Variants in KDM4C observed in about 807,000 individuals in gnomAD.
The protein encoded by KDM4C is lysine-specific demethylase 4C.
Under a neutral mutation model 129.3 loss-of-function variants are expected in KDM4C, and 81 were observed. The ratio of observed to expected loss-of-function variants is 0.63; its 90% CI spans 0.52 to 0.75. The LOEUF (loss-of-function observed/expected upper bound fraction) is 0.75, where lower values mean the gene tolerates loss of function less well. KDM4C is among the 30% of genes least tolerant of loss of function. KDM4C has a pLI of 0.00. For synonymous variants in KDM4C, 573 were observed against 456.1 expected, an observed-to-expected ratio of 1.26 and a Z score of -3.26; for missense variants, 1,457 against 1,304.0, an observed-to-expected ratio of 1.12 and a Z score of -1.81.
At chr9:7,069,921 A>G (rs1336039202) in intron 17 of KDM4C, among the ~76,000 whole-genome samples, 1 of 152,248 alleles carries the variant, frequency 6.6e-6, no homozygotes, top group East Asian at 1.9e-4. Flanking sequence ...TTATTTGAAG[A>G]TAGATTGTAA....
intron 19 of KDM4C, among the ~76,000 whole-genome samples, chr9:7,157,313 A>T (rs186057882): frequency 1.3e-5 from 2 of 152,236 alleles, no homozygotes; most frequent in South Asian, 2.1e-4. Context: ...GGACAATTTG[A>T]CTTCCTCTTT....
intron 19 of KDM4C, among the ~76,000 whole-genome samples, chr9:7,139,600 C>A (rs1209801553): frequency 6.6e-6 from 1 of 152,180 alleles, no homozygotes; most frequent in African/African-American, 2.4e-5. Context: ...AACCCTTAGA[C>A]CAGGCTGCAA....
At chr9:7,143,421 T>A (rs1206191727) in intron 19 of KDM4C, among the ~76,000 whole-genome samples, 1 of 152,216 alleles carries the variant, frequency 6.6e-6, no homozygotes, top group African/African-American at 2.4e-5. Flanking sequence ...ATAGAAAAGC[T>A]CTTACTTCAG....
intron 4 of KDM4C, among the ~76,000 whole-genome samples, chr9:6,823,349 A>G (rs1833354439): frequency 6.6e-6 from 1 of 152,192 alleles, no homozygotes; most frequent in Non-Finnish European, 1.5e-5. Flanking sequence ...CAGAGTACCC[A>G]TGGAGCAATT....
chr9:6,726,690 T>C (rs1817143099), intron 1 of KDM4C: 1 of 152,230 alleles, frequency 6.6e-6, no homozygotes. Flanking sequence ...GACAATCATG[T>C]TTGCACTACT....
intron 4 of KDM4C, among the ~76,000 whole-genome samples, chr9:6,823,654 C>A (rs769422232): frequency 6.6e-6 from 1 of 152,228 alleles, no homozygotes; most frequent in Non-Finnish European, 1.5e-5. Flanking sequence ...CCTACCCTCT[C>A]CTGTACCAGC....
intron 18 of KDM4C, among the ~76,000 whole-genome samples, chr9:7,115,969 G>C (rs1372331272): frequency 6.6e-6 from 1 of 152,194 alleles, no homozygotes; most frequent in Non-Finnish European, 1.5e-5. Context: ...TCATCTTGAA[G>C]TGTCACATGT....
intron 16 of KDM4C, among the ~76,000 whole-genome samples, chr9:7,047,806 C>T (rs1346795160): frequency 6.6e-6 from 1 of 151,908 alleles, no homozygotes; most frequent in Non-Finnish European, 1.5e-5. Flanking sequence ...GGATAGAACC[C>T]AGTGTCAGTG....
At chr9:6,723,630 C>CAAAAAAAAAAAAAAAAAA (rs4008336) in intron 1 of KDM4C, 1 of 112,126 alleles carries the variant, frequency 8.9e-6, no homozygotes, top group Non-Finnish European at 1.8e-5. Context: ...GACTCCATCT[C>CAAAAAAAAAAAAAAAAAA]AAAAAAAAAA....
At chr9:6,748,911 T>A (rs1273883267) in intron 1 of KDM4C, 1 of 937,656 alleles carries the variant, frequency 1.1e-6, no homozygotes, top group African/African-American at 1.6e-5. Flanking sequence ...ATTTTGTAAG[T>A]ATCTGAAGAT....
chr9:6,764,926 C>T (rs1272789709), intron 1 of KDM4C, among the ~76,000 whole-genome samples: 8 of 152,188 alleles, frequency 5.3e-5, no homozygotes, highest in Non-Finnish European at 1.2e-4. Flanking sequence ...TTTCATTGCT[C>T]ACTCATTTCA....
rs535371344 is a variant in KDM4C at position 7,132,359 on chromosome 9, G to C, written c.2781+4123G>C. 7.2e-5 allele frequency among the ~76,000 whole-genome samples: 11 copies of C among 152,292 alleles called. No homozygotes were observed. The East Asian group carries it at 1.9e-3, about 27-fold the overall frequency. On this transcript the variant is annotated intron_variant, in intron 19 of 21. Coordinates refer to ENST00000381309, the MANE Select transcript of KDM4C (RefSeq NM_015061.6). ...GCAGGCGTTAAAAATGCTTACGTTAGCGTTATGTGACTGGAGAGAGCATTT... is the reference window on the plus strand; with the variant it reads ...GCAGGCGTTAAAAATGCTTACGTTACCGTTATGTGACTGGAGAGAGCATTT...
chr9:6,871,000 C>T (rs745754016), intron 5 of KDM4C, among the ~76,000 whole-genome samples: 24 of 152,284 alleles, frequency 1.6e-4, no homozygotes, highest in Non-Finnish European at 2.8e-4. Flanking sequence ...GGACCTATGG[C>T]AGCTGCCTGT....
chr9:6,831,095 CTG>C (rs1834731698), intron 4 of KDM4C, among the ~76,000 whole-genome samples: 1 of 152,154 alleles, frequency 6.6e-6, no homozygotes, highest in Non-Finnish European at 1.5e-5. Flanking sequence ...GTCATAGACT[CTG>C]TTATTTTTTT....
At chr9:6,976,392 G>C (rs1832920702) in intron 8 of KDM4C, among the ~76,000 whole-genome samples, 1 of 152,112 alleles carries the variant, frequency 6.6e-6, no homozygotes, top group African/African-American at 2.4e-5. Context: ...AGGGTTATTA[G>C]AAAACAATGA....
intron 8 of KDM4C, among the ~76,000 whole-genome samples, chr9:6,975,445 A>G (rs1456690448): frequency 1.3e-5 from 2 of 152,240 alleles, no homozygotes; most frequent in African/African-American, 2.4e-5. Flanking sequence ...GAATTTCCAC[A>G]GTAGATTGGG....
Position 7,009,729 on chromosome 9 carries a change from G to T in KDM4C, c.1787-1969G>T, listed in dbSNP as rs1175860870. ...TATGTAGATGCCATGCAACAGGGTT[G>T]TGTATCCCCTGGAGTTCACAGATCA... On this transcript the variant is annotated intron_variant, in intron 12 of 21. Coordinates refer to ENST00000381309, the MANE Select transcript of KDM4C (RefSeq NM_015061.6). Among the ~76,000 whole-genome samples the T allele has an allele frequency of 1.2e-4, 19 of 152,172 alleles. 1 individual carries two copies. Among genetic ancestry groups the T allele is most frequent in the Admixed American group, 1.2e-3 (19 of 15,276 alleles).
chr9:7,118,495 C>A (rs10758833), intron 18 of KDM4C, among the ~76,000 whole-genome samples: 37,943 of 151,974 alleles, frequency 0.25, 5,341 homozygotes, highest in East Asian at 0.56. Flanking sequence ...CTTTGGTAAA[C>A]GAAGAATAGT....
intron 2 of KDM4C, among the ~76,000 whole-genome samples, chr9:6,794,687 G>C (rs1827384657): frequency 6.6e-6 from 1 of 152,046 alleles, no homozygotes; most frequent in Admixed American, 6.6e-5. Context: ...TCTTTGGTCT[G>C]GATATGTTTG....
Sources: allele counts gnomAD v4.1 joint callset (sites outside exome capture counted in the v4.1 genomes callset), GRCh38; gene constraint gnomAD v4.1.1; transcripts MANE v1.5; gene names NCBI Gene and HGNC (gene_info 2026-07-23, HGNC 2026-07-21).